Variants in BCORL1 observed in about 807,000 individuals in gnomAD.
The protein encoded by BCORL1 is BCL-6 corepressor-like protein 1.
A neutral mutation model predicts 87.6 loss-of-function variants in BCORL1; 7 were observed. The observed-to-expected ratio is 0.08, with a 90% CI of 0.05 to 0.15. The LOEUF (loss-of-function observed/expected upper bound fraction) is 0.15. Among genes scored for constraint, BCORL1 ranks in the 10% least tolerant of loss-of-function variants. BCORL1 has a pLI of 1.00. For synonymous variants in BCORL1, 591 were observed against 634.4 expected, an observed-to-expected ratio of 0.93 and a Z score of 1.03; for missense variants, 1,215 against 1,499.7, an observed-to-expected ratio of 0.81 and a Z score of 3.13.
intron 9 of BCORL1, among the ~76,000 whole-genome samples, chrX:130,035,637 A>G (rs190248503): frequency 4.5e-4 from 51 of 112,375 alleles, no homozygotes; most frequent in African/African-American, 1.6e-3. Context: ...CAAGCAGCCC[A>G]TCTTTCATGA....
At chrX:130,054,198 A>T (rs1427872421) in intron 13 of BCORL1, among the ~76,000 whole-genome samples, 1 of 112,273 alleles carries the variant, frequency 8.9e-6, no homozygotes, top group Non-Finnish European at 1.9e-5. Flanking sequence ...ACAGTTTCAG[A>T]AGGGTGTCAA....
intron 11 of BCORL1, among the ~76,000 whole-genome samples, chrX:130,045,703 G>A (rs936976065): frequency 9.0e-6 from 1 of 110,682 alleles, no homozygotes; most frequent in Non-Finnish European, 1.9e-5. Flanking sequence ...CTGAAGCCTC[G>A]ACCTCCCGGG....
chrX:129,986,799 A>G (rs1389610761), intron 1 of BCORL1, among the ~76,000 whole-genome samples: 4 of 111,695 alleles, frequency 3.6e-5, no homozygotes, highest in Non-Finnish European at 7.5e-5. Context: ...AGCCTGGGCA[A>G]CAGAGCGAGA....
intron 8 of BCORL1, among the ~76,000 whole-genome samples, chrX:130,033,166 C>T (rs1424850112): frequency 3.7e-5 from 4 of 109,098 alleles, no homozygotes; most frequent in South Asian, 4.0e-4. Context: ...ACTGCAACCT[C>T]CCCCTCCCGG....
chrX:130,023,332 A>G (rs746126430), intron 6 of BCORL1, among the ~76,000 whole-genome samples: 1 of 112,030 alleles, frequency 8.9e-6, no homozygotes, highest in South Asian at 3.7e-4. Context: ...TCAGGCACAG[A>G]CATTTAACTT....
At chrX:130,055,759 C>T (rs1369600458) in intron 13 of BCORL1, 95 bp from the exon 14 acceptor site, 6 of 929,663 alleles carry the variant, frequency 6.5e-6, no homozygotes, top group African/African-American at 2.0e-5. Context: ...CATTGATGGT[C>T]GTGCAGCCTT....
At chrX:130,054,668 T>C (rs1248710783) in intron 13 of BCORL1, among the ~76,000 whole-genome samples, 1 of 110,439 alleles carries the variant, frequency 9.1e-6, no homozygotes, top group East Asian at 2.8e-4. Flanking sequence ...TCCCAGCGCT[T>C]TGGGAGGCTG....
At chrX:130,001,823 A>G (rs1430344169) in intron 1 of BCORL1, among the ~76,000 whole-genome samples, 1 of 110,728 alleles carries the variant, frequency 9.0e-6, no homozygotes. Flanking sequence ...GCTGGGTGCT[A>G]GAGGCCGGGG....
intron 10 of BCORL1, among the ~76,000 whole-genome samples, chrX:130,038,211 G>C (rs894781561): frequency 8.9e-6 from 1 of 111,886 alleles, no homozygotes; most frequent in African/African-American, 3.2e-5. Flanking sequence ...GTTGACCTGA[G>C]GGTAATATCC....
At chrX:130,025,438 G>C (rs766702010) in intron 7 of BCORL1, 59 bp downstream of exon 7, 1 of 1,066,212 alleles carries the variant, frequency 9.4e-7, no homozygotes. Context: ...GGGAACCCTC[G>C]GGCATCTCTA....
intron 11 of BCORL1, among the ~76,000 whole-genome samples, chrX:130,040,756 G>C (rs764390744): frequency 8.9e-6 from 1 of 112,158 alleles, no homozygotes; most frequent in Non-Finnish European, 1.9e-5. Context: ...TGCCTCCCAC[G>C]TACTGTGTAC....
At chrX:130,011,384 C>A (rs989133984) in intron 2 of BCORL1, among the ~76,000 whole-genome samples, 6 of 110,566 alleles carry the variant, frequency 5.4e-5, no homozygotes, top group Non-Finnish European at 1.1e-4. Context: ...ATTACAGGTG[C>A]CTGCCATCAC....
chrX:129,990,386 C>T (rs1266493580), intron 1 of BCORL1, among the ~76,000 whole-genome samples: 1 of 110,115 alleles, frequency 9.1e-6, no homozygotes, highest in Non-Finnish European at 1.9e-5. Flanking sequence ...CGCCCACCAC[C>T]GTGCCCGGCT....
chrX:130,006,962 C>T (rs370057872), intron 2 of BCORL1, among the ~76,000 whole-genome samples: 4 of 112,129 alleles, frequency 3.6e-5, no homozygotes, highest in South Asian at 7.3e-4. Flanking sequence ...TTCAAATATA[C>T]ATCAGATAAA....
rs150565886 is a variant in BCORL1, at chrX:130,028,782, G to C, written c.4226G>C (p.Cys1409Ser). 1.7e-6 allele frequency: 2 copies of C among 1,210,980 alleles called. No homozygotes were observed. Among genetic ancestry groups the C allele is most frequent in the Non-Finnish European group, 2.2e-6 (2 of 895,400 alleles). ...CCAAATAACCTGGAAGAGCCAGCCT[G>C]CCTTGAAAATTCAGAAAAGCCATCA... Reference protein sequence around the residue: ...FLPNNLEEPACLENSEKPSGK... With the variant: ...FLPNNLEEPASLENSEKPSGK... Residue 1409 changes from cysteine (C) to serine (S), a missense_variant, in exon 8 of 14, where the codon TGC (cysteine) becomes TCC (serine). By Grantham distance (112) the Cys-to-Ser change is moderately radical. This residue lies in a region of BCORL1 where 166 missense variants were observed against 196.5 expected (regional missense o/e 0.84). Transcript: ENST00000540052.
chrX:130,039,480 C>T (rs59846444), intron 11 of BCORL1, among the ~76,000 whole-genome samples, 198 bp downstream of exon 11: 430 of 112,750 alleles, frequency 3.8e-3, no homozygotes, highest in African/African-American at 0.013. Context: ...CCTCTTATCC[C>T]CTTACTGCAA....
At chrX:130,050,379 G>C (rs960642622) in intron 11 of BCORL1, among the ~76,000 whole-genome samples, 1 of 110,659 alleles carries the variant, frequency 9.0e-6, no homozygotes, top group Non-Finnish European at 1.9e-5. Context: ...TCAAGGTGCC[G>C]TGAGCTATGA....
Position 129,997,009 on chromosome X carries a change from T to C in BCORL1, c.-44-8179T>C, listed in dbSNP as rs191622577. Among the ~76,000 whole-genome samples the C allele has an allele frequency of 3.0e-3, 334 of 111,578 alleles. 2 individuals are homozygous for C. The highest frequency in any genetic ancestry group is 4.5e-3 in the South Asian group (12 of 2,688). On this transcript the variant is annotated intron_variant, in intron 1 of 13. Transcript: ENST00000540052. ...ATGCTTTCTCTGTTACCTCCTTTAA[T>C]GTCCTTCTCTTCCTCATATGCATGA... is the stretch of plus-strand genomic sequence containing the variant.
intron 2 of BCORL1, among the ~76,000 whole-genome samples, chrX:130,008,713 C>T (rs1928715381): frequency 8.9e-6 from 1 of 111,829 alleles, no homozygotes; most frequent in Non-Finnish European, 1.9e-5. Context: ...TTTCCTTGGC[C>T]CTTTACAACT....
Sources: allele counts gnomAD v4.1 joint callset (sites outside exome capture counted in the v4.1 genomes callset), GRCh38; gene constraint gnomAD v4.1.1; regional missense constraint gnomAD v4.1.1; transcripts MANE v1.5; gene names NCBI Gene and HGNC (gene_info 2026-07-23, HGNC 2026-07-21).